Variants in GIPR observed in about 807,000 individuals in gnomAD.
The protein encoded by GIPR is GIP-R.
Under a neutral mutation model 62.2 loss-of-function variants are expected in GIPR, and 74 were observed. That is an observed-to-expected ratio of 1.19 (90% CI 0.99 to 1.44). The LOEUF (loss-of-function observed/expected upper bound fraction) is 1.44, where lower values mean the gene tolerates loss of function less well. Among genes scored for constraint, GIPR ranks in the 40% most tolerant of loss-of-function variants. GIPR has a pLI of 0.00. For missense variants in GIPR, 664 were observed against 611.8 expected (o/e 1.09, Z -0.90); for synonymous variants, 256 against 262.2 (o/e 0.98, Z 0.23).
At chr19:45,678,806 C>A (rs1175957994) in intron 12 of GIPR, among the ~76,000 whole-genome samples, 1 of 152,194 alleles carries the variant, frequency 6.6e-6, no homozygotes, top group Non-Finnish European at 1.5e-5. Context: ...ACAGCTGAGG[C>A]CAAATTCAGG....
At chr19:45,673,707 T>C (rs1010261397) in intron 5 of GIPR, among the ~76,000 whole-genome samples, 3 of 151,918 alleles carry the variant, frequency 2.0e-5, no homozygotes, top group South Asian at 2.1e-4. Flanking sequence ...CTACTAAAAA[T>C]ACAAAAATTA....
intron 12 of GIPR, among the ~76,000 whole-genome samples, chr19:45,679,475 T>A: frequency 7.9e-6 from 1 of 126,592 alleles, no homozygotes; most frequent in Non-Finnish European, 1.6e-5. Context: ...AGGGAGATCA[T>A]GTCTCAAGAA....
At position 45,677,108 on chromosome 19, in the gene GIPR, G is replaced by T; in HGVS notation, c.793G>T (p.Gly265Trp). Residue 265 changes from glycine (G) to tryptophan (W), a missense_variant and splice_region_variant, in exon 8 of 14, where the codon GGG becomes TGG. By Grantham distance (184) the Gly-to-Trp change is radical (BLOSUM62 -2). Coordinates refer to ENST00000590918, the MANE Select transcript of GIPR (RefSeq NM_000164.4). Reference protein sequence around the residue: ...HFRYYLLLGWGAPALFVIPWV... With the variant: ...HFRYYLLLGWWAPALFVIPWV... The stretch of plus-strand genomic sequence containing the variant: ...CCGCTACTACCTGCTCCTCGGCTGG[G>T]GTGAGCTCCGATCCCGTCCCCCGCC... 1 of 1,613,158 alleles carries T rather than the reference G, an allele frequency of 6.2e-7. No homozygotes were observed. Among genetic ancestry groups the T allele is most frequent in the South Asian group, 1.1e-5 (1 of 91,070 alleles).
At chr19:45,676,043 A>C (rs550463810) in intron 7 of GIPR, among the ~76,000 whole-genome samples, 1 of 152,152 alleles carries the variant, frequency 6.6e-6, no homozygotes, top group East Asian at 1.9e-4. Flanking sequence ...GTCTCTACTA[A>C]AAATACAAAA....
rs139322374 is a variant in GIPR at position 45,669,565 on chromosome 19, G to A, written c.45G>A (p.Leu15=). 2 of 1,581,524 alleles carry A rather than the reference G, an allele frequency of 1.3e-6. No individual in the cohort carries two copies. Among genetic ancestry groups the A allele is most frequent in the East Asian group, 2.3e-5 (1 of 44,016 alleles). ...PILQLLLRLS[L]CGLLLQRAET... ...TGCAGCTGCTGCTGCGGCTCTCACT[G>A]TGCGGGCTGCTGCTCCAGAGGGCGG... The change falls in exon 2 of 14, where the codon CTG becomes CTA. Residue 15 remains leucine (L), a synonymous_variant. Transcript: ENST00000590918.
In GIPR at chr19:45,681,581, ACCT is replaced by A; in HGVS notation, c.1153-20_1153-18del. ...CAGTCCTGCCCCCACCAGCGATGTA[ACCT>A]CCGCGCCTCCTCTGGGCAGGGCTTC... On this transcript the variant is annotated intron_variant, in intron 12 of 13. Transcript: ENST00000590918. 1.2e-6 allele frequency: 2 copies of A among 1,611,312 alleles called. No individual in the cohort carries two copies. The highest frequency in any genetic ancestry group is 2.7e-5 in the African/African-American group (2 of 74,962).
At chr19:45,676,328 AG>A (rs1966906809) in intron 7 of GIPR, among the ~76,000 whole-genome samples, 1 of 151,398 alleles carries the variant, frequency 6.6e-6, no homozygotes, top group African/African-American at 2.4e-5. Context: ...TTGGGGATCT[AG>A]GGGGGAACTG....
intron 1 of GIPR, among the ~76,000 whole-genome samples, chr19:45,669,053 A>G (rs913344827): frequency 6.6e-6 from 1 of 152,100 alleles, no homozygotes; most frequent in African/African-American, 2.4e-5. Context: ...TCAGTTCCCC[A>G]TAGAAAAGGG....
intron 6 of GIPR, 191 bp downstream of exon 6, chr19:45,674,368 GATGCCA>G: frequency 1.5e-6 from 1 of 673,488 alleles, no homozygotes; most frequent in Non-Finnish European, 2.7e-6. Context: ...AGCTCTTTGG[GATGCCA>G]AGGCAGGAGG....
At chr19:45,680,803 C>A (rs7250754) in intron 12 of GIPR, among the ~76,000 whole-genome samples, 31,167 of 146,500 alleles carry the variant, frequency 0.21, 3,558 homozygotes, top group East Asian at 0.4. Flanking sequence ...TGCACTCCAG[C>A]CTGGGCAACA....
rs1371661875 is a variant in GIPR, at chr19:45,678,004, T to G, written c.1013+10T>G. On this transcript the variant is annotated intron_variant, in intron 11 of 13. Transcript: ENST00000590918. ...GGGATTACCGGCTGAGGTGAGGGCA[T>G]GCGTTGGGGACCGAGGGGAAGGGGC... 2.7e-5 allele frequency: 44 copies of G among 1,613,362 alleles called. No individual in the cohort carries two copies. The highest frequency in any genetic ancestry group is 3.7e-5 in the Non-Finnish European group (44 of 1,180,020).
Position 45,677,340 on chromosome 19 carries a change from G to A in GIPR, c.811G>A (p.Val271Ile). ...CTGCACAGGGGCCCCCGCGCTTTTC[G>A]TCATTCCCTGGGTGATCGTCAGGTA... ...LLGWGAPALF[V>I]IPWVIVRYLY... The change falls in exon 9 of 14, where the codon GTC becomes ATC. Residue 271 changes from valine to isoleucine, a missense_variant. Physicochemically the swap from Val to Ile is conservative, Grantham distance 29. Coordinates refer to ENST00000590918, the MANE Select transcript of GIPR (RefSeq NM_000164.4). The A allele has an allele frequency of 6.3e-7, 1 of 1,599,688 alleles. No individual in the cohort carries two copies. The highest frequency in any genetic ancestry group is 1.1e-5 in the South Asian group (1 of 89,606).
In GIPR at chr19:45,677,499, T is replaced by A. The variant is rs1334944006; in HGVS notation, c.854+116T>A. Reference sequence around the variant, plus strand: ...AAGGCTATTCGGTGCTGGGGATACGTGGGCGGGATCCGAAGTAATGGGGAG... The same window carrying A: ...AAGGCTATTCGGTGCTGGGGATACGAGGGCGGGATCCGAAGTAATGGGGAG... On this transcript the variant is annotated intron_variant, in intron 9 of 13. Transcript: ENST00000590918. 4 of 820,214 alleles carry A rather than the reference T, an allele frequency of 4.9e-6. No homozygotes were observed. In the African/African-American group the frequency reaches 8.3e-5, roughly 17 times the overall value. The allele number at this position is 820,214 out of a possible 1,614,324, so 50.8% of individuals were successfully genotyped here.
At chr19:45,669,349 C>T in intron 1 of GIPR, 128 bp from the exon 2 acceptor site, 5 of 881,554 alleles carry the variant, frequency 5.7e-6, no homozygotes, top group Admixed American at 2.2e-5. Context: ...AGCGGGTGCG[C>T]TGCCTCGGAG....
chr19:45,680,124 T>C (rs1055118797), intron 12 of GIPR, among the ~76,000 whole-genome samples: 7 of 152,148 alleles, frequency 4.6e-5, no homozygotes, highest in Non-Finnish European at 7.3e-5. Context: ...CGGTGCCTCA[T>C]GTCTGTAATC....
intron 2 of GIPR, among the ~76,000 whole-genome samples, chr19:45,670,018 G>A (rs571369763): frequency 6.6e-6 from 1 of 151,766 alleles, no homozygotes; most frequent in Admixed American, 6.6e-5. Context: ...CCAGATTCAA[G>A]TTGTTGGGTG....
intron 1 of GIPR, among the ~76,000 whole-genome samples, chr19:45,668,908 T>C (rs1975394729): frequency 6.6e-6 from 1 of 152,240 alleles, no homozygotes; most frequent in Non-Finnish European, 1.5e-5. Context: ...GTCAGGTTCC[T>C]ATGTGTGCTA....
At chr19:45,680,593 G>A (rs996713007) in intron 12 of GIPR, among the ~76,000 whole-genome samples, 1 of 151,850 alleles carries the variant, frequency 6.6e-6, no homozygotes, top group Non-Finnish European at 1.5e-5. Flanking sequence ...ACTTTGGGAG[G>A]CTGAGGCGGG....
intron 3 of GIPR, 115 bp from the exon 4 acceptor site, chr19:45,671,170 G>A (rs2146069445): frequency 1.3e-6 from 1 of 741,212 alleles, no homozygotes. Flanking sequence ...GCTTGGTGTG[G>A]CCGGCGGAGA....
Sources: allele counts gnomAD v4.1 joint callset (sites outside exome capture counted in the v4.1 genomes callset), GRCh38; gene constraint gnomAD v4.1.1; transcripts MANE v1.5; gene names NCBI Gene and HGNC (gene_info 2026-07-23, HGNC 2026-07-21).